Variants in SEMA5A observed in about 807,000 individuals in gnomAD.
SEMA5A encodes the protein semaphorin-5A.
SEMA5A carries 55 observed loss-of-function variants against 135.5 expected under a neutral mutation model. That is an observed-to-expected ratio of 0.41 (90% CI 0.33 to 0.51). The LOEUF (loss-of-function observed/expected upper bound fraction) is 0.51. SEMA5A is among the 20% of genes least tolerant of loss of function. The pLI is 0.37. For missense variants in SEMA5A, 1,290 were observed against 1,419.9 expected, an observed-to-expected ratio of 0.91 and a Z score of 1.47; for synonymous variants, 580 against 546.5, an observed-to-expected ratio of 1.06 and a Z score of -0.85.
chr5:9,195,249 A>C (rs1745324150), intron 10 of SEMA5A, among the ~76,000 whole-genome samples: 1 of 152,124 alleles, frequency 6.6e-6, no homozygotes, highest in South Asian at 2.1e-4. Context: ...TAGCTCACTG[A>C]TTGAACTCCT....
At chr5:9,301,764 C>G (rs917474816) in intron 5 of SEMA5A, among the ~76,000 whole-genome samples, 4 of 152,192 alleles carry the variant, frequency 2.6e-5, no homozygotes, top group African/African-American at 7.2e-5. Flanking sequence ...TCCTGGGAGA[C>G]CTGCCCACCT....
At chr5:9,132,626 A>T (rs1741494255) in intron 13 of SEMA5A, among the ~76,000 whole-genome samples, 1 of 152,230 alleles carries the variant, frequency 6.6e-6, no homozygotes, top group Non-Finnish European at 1.5e-5. Flanking sequence ...AGACAGCCAT[A>T]AGTCACAGCC....
At chr5:9,462,627 A>T (rs1461620474) in intron 1 of SEMA5A, among the ~76,000 whole-genome samples, 2 of 152,236 alleles carry the variant, frequency 1.3e-5, no homozygotes, top group African/African-American at 4.8e-5. Context: ...GATATATAGC[A>T]TGGAATACTA....
chr5:9,385,914 G>T (rs1008273113), intron 2 of SEMA5A, among the ~76,000 whole-genome samples: 3 of 147,956 alleles, frequency 2.0e-5, no homozygotes, highest in Middle Eastern at 3.6e-3. Flanking sequence ...CAATTCTCCT[G>T]CCTCAGCCTC....
chr5:9,163,350 T>C (rs3797919), intron 11 of SEMA5A, among the ~76,000 whole-genome samples: 17,899 of 152,206 alleles, frequency 0.12, 1,792 homozygotes, highest in African/African-American at 0.25. Context: ...CACTATTTGC[T>C]ATATATAATG....
intron 3 of SEMA5A, among the ~76,000 whole-genome samples, chr5:9,338,492 T>A (rs1005498739): frequency 1.3e-5 from 2 of 152,178 alleles, no homozygotes; most frequent in Admixed American, 6.5e-5. Flanking sequence ...CCGATAATTA[T>A]AAAATGACAG....
chr5:9,366,911 TC>T (rs1232142382), intron 3 of SEMA5A, among the ~76,000 whole-genome samples: 1 of 152,198 alleles, frequency 6.6e-6, no homozygotes, highest in African/African-American at 2.4e-5. Context: ...TTTCTATACA[TC>T]AGAGAAGCAG....
intron 11 of SEMA5A, among the ~76,000 whole-genome samples, chr5:9,161,047 CG>C (rs1743225541): frequency 6.6e-6 from 1 of 151,988 alleles, no homozygotes; most frequent in Admixed American, 6.6e-5. Flanking sequence ...CACAGGAAAA[CG>C]TGTTCATGTC....
intron 16 of SEMA5A, among the ~76,000 whole-genome samples, chr5:9,086,639 C>T (rs963223526): frequency 1.3e-4 from 20 of 152,230 alleles, no homozygotes; most frequent in South Asian, 4.1e-4. Context: ...AGTGTGAAAA[C>T]GGACTAATAT....
intron 2 of SEMA5A, among the ~76,000 whole-genome samples, chr5:9,428,139 T>C (rs983422492): frequency 9.3e-5 from 12 of 128,504 alleles, no homozygotes; most frequent in African/African-American, 4.1e-4. Context: ...TATCTATCTA[T>C]CTATCTATCT....
At chr5:9,231,086 AAC>A (rs1163576769) in intron 6 of SEMA5A, among the ~76,000 whole-genome samples, 2 of 152,206 alleles carry the variant, frequency 1.3e-5, no homozygotes, top group Non-Finnish European at 2.9e-5. Context: ...AGAATGTGAA[AAC>A]ACAGGGAAAA....
At chr5:9,308,051 C>T (rs1380998907) in intron 5 of SEMA5A, among the ~76,000 whole-genome samples, 1 of 152,082 alleles carries the variant, frequency 6.6e-6, no homozygotes, top group African/African-American at 2.4e-5. Context: ...TTGTCAAAGA[C>T]ATAAAAACAC....
In SEMA5A at chr5:9,041,575, C is replaced by T. The variant is rs749032235; in HGVS notation, c.*1322G>A. ...AAGAGACCACAGGGATCCCAAAAAC[C>T]CTTACTTCCAGCTATCCTGACTTCC... is the stretch of plus-strand genomic sequence containing the variant. On this transcript the variant is annotated 3_prime_UTR_variant, in exon 23 of 23. Coordinates refer to ENST00000382496, the MANE Select transcript of SEMA5A (RefSeq NM_003966.3). The T allele has an allele frequency of 6.6e-6, 1 of 152,330 alleles. No homozygotes were observed. The highest frequency in any genetic ancestry group is 1.5e-5 in the Non-Finnish European group (1 of 68,052). The allele number at this position is 152,330 out of a possible 1,614,324, so 9.4% of individuals were successfully genotyped here.
intron 11 of SEMA5A, among the ~76,000 whole-genome samples, chr5:9,174,330 TC>T (rs1262054185): frequency 6.6e-6 from 1 of 152,202 alleles, no homozygotes; most frequent in African/African-American, 2.4e-5. Context: ...TACTTCCTAC[TC>T]CCAACCCTCT....
intron 2 of SEMA5A, among the ~76,000 whole-genome samples, chr5:9,429,131 G>C (rs1468865531): frequency 6.6e-6 from 1 of 152,192 alleles, no homozygotes; most frequent in Non-Finnish European, 1.5e-5. Flanking sequence ...AAATGAGACA[G>C]ATTAGCTGAG....
Position 9,136,622 on chromosome 5 carries a change from C to T in SEMA5A, c.1482-1G>A, listed in dbSNP as rs1351194968. On this transcript the variant is annotated splice_acceptor_variant, in intron 12 of 22. Coordinates refer to ENST00000382496, the MANE Select transcript of SEMA5A (RefSeq NM_003966.3). LOFTEE classifies it high-confidence loss of function. ...AGGGTCCTGGGCCCCAATGCAGGTG[C>T]TGGAAACACACACCAAATGGTCAAC... 1.2e-6 allele frequency: 2 copies of T among 1,610,552 alleles called. No homozygotes were observed. The highest frequency in any genetic ancestry group is 1.7e-5 in the Admixed American group (1 of 59,944).
intron 5 of SEMA5A, among the ~76,000 whole-genome samples, chr5:9,296,902 CAAAA>C (rs34923583): frequency 3.6e-4 from 48 of 134,636 alleles, no homozygotes; most frequent in Non-Finnish European, 3.8e-4. Flanking sequence ...ACTGTGATCT[CAAAA>C]AAAAAAAAAA....
At chr5:9,353,098 G>GAAAGGGAAAGGAAAGGA (rs1378151075) in intron 3 of SEMA5A, among the ~76,000 whole-genome samples, 1,231 of 21,788 alleles carry the variant, frequency 0.056, 404 homozygotes, top group East Asian at 0.096. Flanking sequence ...GGAAAGGAAG[G>GAAAGGGAAAGGAAAGGA]AAGGAAAGGA....
At chr5:9,539,293 AT>A (rs1737949729) in intron 1 of SEMA5A, among the ~76,000 whole-genome samples, 1 of 152,194 alleles carries the variant, frequency 6.6e-6, no homozygotes, top group African/African-American at 2.4e-5. Context: ...TCAAGAGTTC[AT>A]TTGTTTTATT....
Sources: gnomAD v4.1 joint callset for allele counts (sites outside exome capture counted in the v4.1 genomes callset) on GRCh38, gnomAD v4.1.1 for gene constraint, MANE v1.5 for transcripts, NCBI Gene and HGNC (gene_info 2026-07-23, HGNC 2026-07-21) for gene names.